The following FAF1 variants were observed in gnomAD, a reference collection of about 807,000 sequenced individuals.
FAF1 encodes the protein Fas associated factor 1.
Under a neutral mutation model 92.5 loss-of-function variants are expected in FAF1, and 25 were observed. The observed-to-expected ratio is 0.27, with a 90% CI of 0.20 to 0.38. The LOEUF is 0.38. FAF1 is among the 10% of genes least tolerant of loss of function. The pLI, the probability that FAF1 is intolerant of heterozygous loss-of-function variation, is 1.00. For missense variants in FAF1, 636 were observed against 793.3 expected, an observed-to-expected ratio of 0.80 and a Z score of 2.38; for synonymous variants, 234 against 273.2, an observed-to-expected ratio of 0.86 and a Z score of 1.42.
chr1:50,623,446 G>T (rs968247382), intron 8 of FAF1, among the ~76,000 whole-genome samples: 14 of 151,858 alleles, frequency 9.2e-5, no homozygotes, highest in African/African-American at 2.9e-4. Context: ...GCGTGCACCT[G>T]TAGTCCCAGC....
intron 1 of FAF1, among the ~76,000 whole-genome samples, chr1:50,938,491 A>G (rs1353128559): frequency 6.6e-6 from 1 of 152,210 alleles, no homozygotes; most frequent in African/African-American, 2.4e-5. Flanking sequence ...CACAATCTGC[A>G]TAGACTTGCA....
At chr1:50,911,050 C>T (rs1049954987) in intron 1 of FAF1, among the ~76,000 whole-genome samples, 11 of 151,782 alleles carry the variant, frequency 7.2e-5, no homozygotes, top group African/African-American at 2.4e-4. Context: ...AACCACTATC[C>T]GGAATTTTGC....
intron 8 of FAF1, among the ~76,000 whole-genome samples, chr1:50,646,322 A>G (rs1161193521): frequency 6.6e-6 from 1 of 152,124 alleles, no homozygotes; most frequent in African/African-American, 2.4e-5. Context: ...CTGTTATTCT[A>G]CTTGCTGCTA....
At position 50,943,644 on chromosome 1, in the gene FAF1, C is replaced by T. The variant is rs191808014; in HGVS notation, c.45+16123G>A. On this transcript the variant is annotated intron_variant, in intron 1 of 18. Coordinates refer to ENST00000396153, the MANE Select transcript of FAF1 (RefSeq NM_007051.3). ...CTCCCCTTATAAAGATAATTCTTCA[C>T]AGGGTGTGCCTAAATAACTAATCAG... 4.9e-3 allele frequency among the ~76,000 whole-genome samples: 753 copies of T among 152,238 alleles called. 5 individuals are homozygous for T. The highest frequency in any genetic ancestry group is 7.7e-3 in the Non-Finnish European group (521 of 68,008).
chr1:50,561,848 CGG>C (rs1649921630), intron 13 of FAF1, among the ~76,000 whole-genome samples: 1 of 128,484 alleles, frequency 7.8e-6, no homozygotes, highest in African/African-American at 3.3e-5. Context: ...GACGGATGGA[CGG>C]AAGGAAGGAA....
At chr1:50,720,760 A>G (rs1658374526) in intron 6 of FAF1, among the ~76,000 whole-genome samples, 1 of 152,216 alleles carries the variant, frequency 6.6e-6, no homozygotes, top group African/African-American at 2.4e-5. Context: ...AACCATACCC[A>G]GACAGATGAT....
chr1:50,906,071 G>A (rs1176708374), intron 1 of FAF1, among the ~76,000 whole-genome samples: 1 of 152,122 alleles, frequency 6.6e-6, no homozygotes, highest in South Asian at 2.1e-4. Context: ...TGTAAGGAAG[G>A]GATCCAGTTT....
intron 1 of FAF1, among the ~76,000 whole-genome samples, chr1:50,919,735 C>T (rs1239545502): frequency 3.3e-5 from 5 of 152,004 alleles, no homozygotes; most frequent in Non-Finnish European, 7.4e-5. Context: ...GATCCACCAG[C>T]CTTGGCCTTT....
At chr1:50,612,355 A>G (rs1205096740) in intron 8 of FAF1, 6 of 1,246,478 alleles carry the variant, frequency 4.8e-6, no homozygotes, top group African/African-American at 3.1e-5. Context: ...TCATTTTATT[A>G]TAAGTTTGAT....
chr1:50,663,229 G>C (rs912379997), intron 7 of FAF1, among the ~76,000 whole-genome samples: 5 of 151,384 alleles, frequency 3.3e-5, no homozygotes, highest in Non-Finnish European at 7.4e-5. Flanking sequence ...TTCTTAAAGA[G>C]GGTGGCTGGA....
intron 6 of FAF1, among the ~76,000 whole-genome samples, chr1:50,706,711 T>A (rs763221849): frequency 2.6e-5 from 4 of 152,226 alleles, no homozygotes; most frequent in African/African-American, 4.8e-5. Context: ...ATTAGAAATA[T>A]TATTTTCATC....
intron 7 of FAF1, among the ~76,000 whole-genome samples, chr1:50,689,025 A>G (rs1656796192): frequency 6.6e-6 from 1 of 152,102 alleles, no homozygotes. Flanking sequence ...CTAGAGGCAA[A>G]GGGGAATAAG....
intron 8 of FAF1, among the ~76,000 whole-genome samples, chr1:50,638,173 A>T (rs190163445): frequency 6.6e-6 from 1 of 152,242 alleles, no homozygotes; most frequent in East Asian, 1.9e-4. Context: ...TGACCTTGCT[A>T]ATTTCACTTG....
chr1:50,716,925 C>T (rs1410318808), intron 6 of FAF1, among the ~76,000 whole-genome samples: 1 of 152,188 alleles, frequency 6.6e-6, no homozygotes, highest in Non-Finnish European at 1.5e-5. Flanking sequence ...TGTTGCTGCT[C>T]ACTCTTTGGG....
At chr1:50,913,600 C>T (rs1222907834) in intron 1 of FAF1, among the ~76,000 whole-genome samples, 1 of 152,174 alleles carries the variant, frequency 6.6e-6, no homozygotes, top group Non-Finnish European at 1.5e-5. Context: ...CTGTCAGCAA[C>T]AGCAGATAAT....
intron 9 of FAF1, among the ~76,000 whole-genome samples, chr1:50,589,842 G>C (rs1651420288): frequency 6.6e-6 from 1 of 152,116 alleles, no homozygotes; most frequent in Non-Finnish European, 1.5e-5. Flanking sequence ...TATATTTTGA[G>C]TTTAGTTTTG....
intron 2 of FAF1, among the ~76,000 whole-genome samples, chr1:50,813,860 A>C (rs1469152983): frequency 6.6e-6 from 1 of 152,170 alleles, no homozygotes; most frequent in Non-Finnish European, 1.5e-5. Context: ...TATCCTGAAG[A>C]AAATGAAAAC....
At chr1:50,467,944 C>T (rs1323238888) in intron 18 of FAF1, among the ~76,000 whole-genome samples, 1 of 152,190 alleles carries the variant, frequency 6.6e-6, no homozygotes, top group African/African-American at 2.4e-5. Flanking sequence ...CACAGTGGCT[C>T]ATGCCTGTAA....
At chr1:50,503,613 T>G (rs1647018830) in intron 15 of FAF1, among the ~76,000 whole-genome samples, 1 of 147,570 alleles carries the variant, frequency 6.8e-6, no homozygotes, top group Admixed American at 6.8e-5. Flanking sequence ...ATTCCCTGTC[T>G]CTTTAAAAAA....
Sources: gnomAD v4.1 joint callset for allele counts (sites outside exome capture counted in the v4.1 genomes callset) on GRCh38, gnomAD v4.1.1 for gene constraint, MANE v1.5 for transcripts, NCBI Gene and HGNC (gene_info 2026-07-23, HGNC 2026-07-21) for gene names.